XKR9: variants seen among roughly 807,000 people sequenced by gnomAD.
XKR9 encodes the protein XK related 9, also known as XK-related protein 9.
A neutral mutation model predicts 32.0 loss-of-function variants in XKR9; 32 were observed. The ratio of observed to expected loss-of-function variants is 1.00; its 90% CI spans 0.76 to 1.34. The LOEUF (loss-of-function observed/expected upper bound fraction) is 1.34, where lower values mean the gene tolerates loss of function less well. Among genes scored for constraint, XKR9 ranks in the 40% most tolerant of loss-of-function variants. The probability of loss-of-function intolerance (pLI) is 0.00; values close to 1 mark genes in which losing one functional copy is unlikely to be tolerated. For missense variants in XKR9, 546 were observed against 429.7 expected, an observed-to-expected ratio of 1.27 and a Z score of -2.39; for synonymous variants, 168 against 143.4, an observed-to-expected ratio of 1.17 and a Z score of -1.22.
At chr8:70,850,782 T>G in the XKR9 span, among the ~76,000 whole-genome samples, 1 of 152,144 alleles carries the variant, frequency 6.6e-6, no homozygotes, top group Non-Finnish European at 1.5e-5. Context: ...GGAACGTATC[T>G]CAAAATAAAA....
the XKR9 span, among the ~76,000 whole-genome samples, chr8:71,004,971 A>G: frequency 6.7e-6 from 1 of 148,366 alleles, no homozygotes; most frequent in African/African-American, 2.5e-5. Flanking sequence ...CTAGGACTAC[A>G]GGATTGTGCC....
At chr8:70,987,003 T>A in the XKR9 span, among the ~76,000 whole-genome samples, 2 of 152,154 alleles carry the variant, frequency 1.3e-5, no homozygotes, top group Admixed American at 6.5e-5. Flanking sequence ...AAACCCCTGA[T>A]AAAACCACCA....
At chr8:71,039,416 T>G in the XKR9 span, among the ~76,000 whole-genome samples, 1 of 152,192 alleles carries the variant, frequency 6.6e-6, no homozygotes, top group Non-Finnish European at 1.5e-5. Context: ...TATAATAAAG[T>G]GTTGCATATC....
chr8:70,834,700 G>A, the XKR9 span, among the ~76,000 whole-genome samples: 1 of 152,084 alleles, frequency 6.6e-6, no homozygotes, highest in African/African-American at 2.4e-5. Flanking sequence ...CAATGAATAT[G>A]TAAAATCTGA....
chr8:70,907,071 A>T, the XKR9 span, among the ~76,000 whole-genome samples: 1 of 152,126 alleles, frequency 6.6e-6, no homozygotes, highest in Non-Finnish European at 1.5e-5. Flanking sequence ...GTTATCTGTT[A>T]TCTGTCCTTA....
the XKR9 span, among the ~76,000 whole-genome samples, chr8:70,975,981 G>A: frequency 3.3e-5 from 5 of 152,146 alleles, no homozygotes; most frequent in African/African-American, 4.8e-5. Flanking sequence ...TGGATTCCTA[G>A]GTATTTTATT....
At chr8:70,742,695 C>T (rs1354934715) in intron 2 of XKR9, among the ~76,000 whole-genome samples, 1 of 151,638 alleles carries the variant, frequency 6.6e-6, no homozygotes, top group African/African-American at 2.4e-5. Context: ...AGGTTTTTTC[C>T]TTCCTTTAAG....
intron 4 of XKR9, among the ~76,000 whole-genome samples, chr8:70,732,645 G>A (rs970244303): frequency 6.6e-6 from 1 of 152,224 alleles, no homozygotes; most frequent in African/African-American, 2.4e-5. Flanking sequence ...AGAGCCTTCT[G>A]TGCAGGAGAC....
intron 2 of XKR9, among the ~76,000 whole-genome samples, chr8:70,761,030 A>C (rs1178999601): frequency 6.6e-6 from 1 of 152,198 alleles, no homozygotes; most frequent in African/African-American, 2.4e-5. Context: ...ATGTTTCCGC[A>C]AAAGACATGA....
At chr8:71,059,000 T>G in the XKR9 span, among the ~76,000 whole-genome samples, 2 of 152,228 alleles carry the variant, frequency 1.3e-5, no homozygotes, top group Non-Finnish European at 2.9e-5. Context: ...AAATGAAGTT[T>G]TAATTAGACA....
the XKR9 span, among the ~76,000 whole-genome samples, chr8:71,035,800 C>A: frequency 1.3e-5 from 2 of 152,114 alleles, no homozygotes; most frequent in Non-Finnish European, 2.9e-5. Context: ...CCTTCTCCTG[C>A]CATTCTCCCC....
chr8:70,985,670 T>C, the XKR9 span, among the ~76,000 whole-genome samples: 86 of 152,304 alleles, frequency 5.6e-4, no homozygotes, highest in African/African-American at 2.0e-3. Context: ...TTTTCTTTCT[T>C]CCTTTTTCAC....
chr8:70,771,885 C>G (rs1054727906), intron 2 of XKR9, among the ~76,000 whole-genome samples: 1 of 151,960 alleles, frequency 6.6e-6, no homozygotes, highest in Non-Finnish European at 1.5e-5. Flanking sequence ...TAGATATTGA[C>G]AAAATTTCTG....
chr8:70,761,968 T>G (rs1162928225), intron 2 of XKR9, among the ~76,000 whole-genome samples: 1 of 152,142 alleles, frequency 6.6e-6, no homozygotes, highest in African/African-American at 2.4e-5. Context: ...CTTTCCCCTT[T>G]GCTTGTTTTT....
At chr8:70,827,763 G>GA in the XKR9 span, among the ~76,000 whole-genome samples, 1 of 151,804 alleles carries the variant, frequency 6.6e-6, no homozygotes. Flanking sequence ...ATTTATTGGG[G>GA]AAAAAAAGTG....
the XKR9 span, among the ~76,000 whole-genome samples, chr8:70,843,936 A>G: frequency 6.6e-6 from 1 of 152,184 alleles, no homozygotes; most frequent in Non-Finnish European, 1.5e-5. Context: ...CCCTGGAGGT[A>G]CACTGACATA....
chr8:71,057,715 A>C, the XKR9 span, among the ~76,000 whole-genome samples: 2 of 152,178 alleles, frequency 1.3e-5, no homozygotes, highest in Non-Finnish European at 2.9e-5. Context: ...GTTGGGTAGC[A>C]CATGTTACCA....
chr8:70,760,976 T>C (rs1807300993), intron 2 of XKR9, among the ~76,000 whole-genome samples: 1 of 152,234 alleles, frequency 6.6e-6, no homozygotes, highest in Non-Finnish European at 1.5e-5. Flanking sequence ...TGGTTTTCTG[T>C]TGCTGTGTTA....
At chr8:70,791,943 G>A (rs1807769412), downstream of XKR9, among the ~76,000 whole-genome samples, 1 of 152,046 alleles carries the variant, frequency 6.6e-6, no homozygotes, top group African/African-American at 2.4e-5. Flanking sequence ...GAGGGGCCAA[G>A]TGACTTAGTA....
Sources: gnomAD v4.1 joint callset for allele counts (sites outside exome capture counted in the v4.1 genomes callset) on GRCh38, gnomAD v4.1.1 for gene constraint, MANE v1.5 for transcripts, NCBI Gene and HGNC (gene_info 2026-07-23, HGNC 2026-07-21) for gene names.